Variants in SENP7 observed in about 807,000 individuals in gnomAD.
SENP7 encodes sentrin-specific protease 7.
A neutral mutation model predicts 141.2 loss-of-function variants in SENP7; 64 were observed. The observed-to-expected ratio is 0.45, with a 90% CI of 0.37 to 0.56. SENP7 has a LOEUF of 0.56. SENP7 is among the 20% of genes least tolerant of loss of function. The probability of loss-of-function intolerance (pLI) is 0.00; values close to 1 mark genes in which losing one functional copy is unlikely to be tolerated. For synonymous variants in SENP7, 382 were observed against 426.4 expected, an observed-to-expected ratio of 0.90 and a Z score of 1.28; for missense variants, 1,025 against 1,212.2, an observed-to-expected ratio of 0.85 and a Z score of 2.29.
At chr3:101,350,964 C>T (rs187864104) in intron 12 of SENP7, among the ~76,000 whole-genome samples, 10 of 152,054 alleles carry the variant, frequency 6.6e-5, no homozygotes, top group African/African-American at 2.4e-4. Context: ...CCAACTAAAT[C>T]CAACTAATCC....
At chr3:101,451,841 T>A (rs573200906) in intron 4 of SENP7, among the ~76,000 whole-genome samples, 43 of 152,176 alleles carry the variant, frequency 2.8e-4, no homozygotes, top group African/African-American at 9.4e-4. Flanking sequence ...CTATTCAACA[T>A]TGTGTTGGAA....
intron 4 of SENP7, among the ~76,000 whole-genome samples, chr3:101,441,755 C>A (rs1021833325): frequency 2.6e-5 from 4 of 152,182 alleles, no homozygotes; most frequent in Admixed American, 2.0e-4. Context: ...TGGCTCATCC[C>A]TACCATGACT....
In SENP7 at chr3:101,348,032, T is replaced by G. The variant is rs758448963; in HGVS notation, c.1677A>C (p.Ser559=). ...IPFQVSLNEI[S]LLVDTTHLKR... ...TTAAATGTGTGGTATCCACTAGCAA[T>G]GAAATCTCATTCAGGGACACTGAAA... The change falls in exon 13 of 24, where the codon TCA becomes TCC. Residue 559 remains serine, a synonymous_variant. Transcript: ENST00000394095. 8.8e-6 allele frequency: 14 copies of G among 1,593,572 alleles called. No homozygotes were observed. The South Asian group carries it at 1.6e-4, about 19-fold the overall frequency.
At chr3:101,429,923 T>C (rs907958109) in intron 4 of SENP7, among the ~76,000 whole-genome samples, 6 of 152,216 alleles carry the variant, frequency 3.9e-5, no homozygotes, top group Non-Finnish European at 1.5e-5. Flanking sequence ...TCAAAGGCCT[T>C]TTCTGCATCT....
intron 5 of SENP7, 109 bp downstream of exon 5, chr3:101,417,484 A>G: frequency 2.3e-6 from 2 of 859,320 alleles, no homozygotes; most frequent in South Asian, 3.0e-5. Flanking sequence ...GTATGCCTAT[A>G]TATGCAAATC....
Position 101,325,395 on chromosome 3 carries a change from T to G in SENP7, c.*548A>C, listed in dbSNP as rs1576783686. On this transcript the variant is annotated 3_prime_UTR_variant, in exon 24 of 24. Coordinates refer to ENST00000394095, the MANE Select transcript of SENP7 (RefSeq NM_020654.5). Reference sequence around the variant, plus strand: ...TTTATCATCTTCCTAACATTATGAATGTCTTTTTGTTACATACAGAAGGGA... The same window carrying G: ...TTTATCATCTTCCTAACATTATGAAGGTCTTTTTGTTACATACAGAAGGGA... The G allele has an allele frequency of 6.6e-6, 1 of 152,550 alleles. No individual in the cohort carries two copies. Among genetic ancestry groups the G allele is most frequent in the Admixed American group, 6.6e-5 (1 of 15,250 alleles). The allele number at this position is 152,550 out of a possible 1,614,324, so 9.4% of individuals were successfully genotyped here.
intron 1 of SENP7, among the ~76,000 whole-genome samples, chr3:101,508,540 A>G (rs1326812691): frequency 6.6e-6 from 1 of 152,160 alleles, no homozygotes; most frequent in African/African-American, 2.4e-5. Flanking sequence ...CGGAGCTTGC[A>G]GTGAGCCGAG....
intron 6 of SENP7, among the ~76,000 whole-genome samples, chr3:101,379,112 T>C (rs2060422973): frequency 6.6e-6 from 1 of 151,996 alleles, no homozygotes; most frequent in African/African-American, 2.4e-5. Flanking sequence ...TCAACAAGGG[T>C]ACCAAGACCA....
intron 11 of SENP7, 48 bp downstream of exon 11, chr3:101,361,667 C>G: frequency 2.1e-6 from 3 of 1,461,696 alleles, no homozygotes; most frequent in South Asian, 1.6e-5. Context: ...AATTAAAATG[C>G]CTTGTCCAAG....
intron 11 of SENP7, among the ~76,000 whole-genome samples, chr3:101,354,846 T>C (rs1230730976): frequency 6.6e-6 from 1 of 152,014 alleles, no homozygotes; most frequent in Non-Finnish European, 1.5e-5. Flanking sequence ...CTAATTTGCA[T>C]CCCCCAACAA....
At chr3:101,403,676 T>C (rs2107599598) in intron 5 of SENP7, among the ~76,000 whole-genome samples, 2 of 152,258 alleles carry the variant, frequency 1.3e-5, no homozygotes, top group South Asian at 4.1e-4. Flanking sequence ...AACCCGATAG[T>C]CTCAGCACAA....
At position 101,432,999 on chromosome 3, in the gene SENP7, T is replaced by A. The variant is rs9822995; in HGVS notation, c.285-15209A>T. On this transcript the variant is annotated intron_variant, in intron 4 of 23. Transcript: ENST00000394095. ...AACTGTGGTGTGTAAACTACTCTTA[T>A]CCTACGTAGAAAGACTACAGGATAA... Among the ~76,000 whole-genome samples the A allele has an allele frequency of 5.0e-3, 763 of 152,292 alleles. 4 individuals carry two copies. Among genetic ancestry groups the A allele is most frequent in the African/African-American group, 0.017 (727 of 41,554 alleles).
intron 6 of SENP7, among the ~76,000 whole-genome samples, chr3:101,396,440 A>G (rs765686841): frequency 1.3e-5 from 2 of 151,932 alleles, no homozygotes; most frequent in Non-Finnish European, 1.5e-5. Context: ...TTTTTCTTTT[A>G]ATCTTTTTCT....
chr3:101,331,961 C>T, intron 19 of SENP7, 24 bp downstream of exon 19: 1 of 1,608,960 alleles, frequency 6.2e-7, no homozygotes, highest in Non-Finnish European at 8.5e-7. Context: ...TTATTAAAAA[C>T]ACCATCTACG....
At chr3:101,446,253 C>T (rs2062890354) in intron 4 of SENP7, among the ~76,000 whole-genome samples, 1 of 152,194 alleles carries the variant, frequency 6.6e-6, no homozygotes, top group Non-Finnish European at 1.5e-5. Context: ...CCTGGACAGC[C>T]TGCAGAACCA....
At chr3:101,509,279 T>C (rs1385127599) in intron 1 of SENP7, among the ~76,000 whole-genome samples, 1 of 152,092 alleles carries the variant, frequency 6.6e-6, no homozygotes, top group African/African-American at 2.4e-5. Context: ...CAGCTTACTT[T>C]TGCTGCCCCA....
intron 11 of SENP7, among the ~76,000 whole-genome samples, chr3:101,356,471 T>C (rs906585043): frequency 6.6e-6 from 1 of 152,196 alleles, no homozygotes; most frequent in Non-Finnish European, 1.5e-5. Context: ...ACATTTTCAA[T>C]GTAATTACAA....
intron 3 of SENP7, among the ~76,000 whole-genome samples, chr3:101,474,691 C>A (rs775283204): frequency 1.2e-4 from 19 of 152,080 alleles, no homozygotes; most frequent in Non-Finnish European, 2.8e-4. Context: ...ACCTGACTGT[C>A]CTGGCCAGGA....
chr3:101,337,385 C>G (rs1223752284), intron 17 of SENP7, 124 bp downstream of exon 17: 1 of 590,636 alleles, frequency 1.7e-6, no homozygotes, highest in African/African-American at 2.0e-5. Context: ...CAAACAGACC[C>G]AGGACCTGAA....
Sources: allele counts gnomAD v4.1 joint callset (sites outside exome capture counted in the v4.1 genomes callset), GRCh38; gene constraint gnomAD v4.1.1; transcripts MANE v1.5; gene names NCBI Gene and HGNC (gene_info 2026-07-23, HGNC 2026-07-21).